The following EXOSC10 variants were observed in gnomAD, a reference collection of about 807,000 sequenced individuals.
EXOSC10 encodes the protein exosome complex component 10.
Under a neutral mutation model 126.6 loss-of-function variants are expected in EXOSC10, and 94 were observed. The observed-to-expected ratio is 0.74, with a 90% CI of 0.63 to 0.88. The LOEUF is 0.88. Among genes scored for constraint, EXOSC10 ranks in the 40% least tolerant of loss-of-function variants. The pLI is 0.00. For synonymous variants in EXOSC10, 395 were observed against 400.8 expected, an observed-to-expected ratio of 0.99 and a Z score of 0.17; for missense variants, 1,041 against 1,100.5, an observed-to-expected ratio of 0.95 and a Z score of 0.77.
At position 11,076,831 on chromosome 1, in the gene EXOSC10, G is replaced by C. The variant is rs1345528924; in HGVS notation, c.1986+11C>G. 6.3e-7 allele frequency: 1 copy of C among 1,596,786 alleles called. No homozygotes were observed. The highest frequency in any genetic ancestry group is 2.2e-5 in the East Asian group (1 of 44,802). On this transcript the variant is annotated intron_variant, in intron 17 of 24. Coordinates refer to ENST00000376936, the MANE Select transcript of EXOSC10 (RefSeq NM_001001998.3). The stretch of plus-strand genomic sequence containing the variant: ...TCCTCATCACCTCAGTGAAGTTTCT[G>C]TGCTACTCACATTAAATAACGTGAT...
chr1:11,078,115 T>G (rs1351156566), intron 14 of EXOSC10, among the ~76,000 whole-genome samples: 1 of 151,858 alleles, frequency 6.6e-6, no homozygotes, highest in Non-Finnish European at 1.5e-5. Context: ...CTACAAAAAA[T>G]TAAAAAAAAC....
At chr1:11,070,816 G>T in intron 21 of EXOSC10, 84 bp downstream of exon 21, 2 of 1,237,532 alleles carry the variant, frequency 1.6e-6, no homozygotes, top group Non-Finnish European at 2.3e-6. Context: ...CACAGGGCAA[G>T]CCCCCTAAGA....
chr1:11,068,713 G>T lies in EXOSC10; in HGVS notation c.2489-7C>A, dbSNP rs192329748. 1.2e-6 allele frequency: 2 copies of T among 1,613,114 alleles called. No homozygotes were observed. Among genetic ancestry groups the T allele is most frequent in the Admixed American group, 1.7e-5 (1 of 60,000 alleles). On this transcript the variant is annotated splice_polypyrimidine_tract_variant and splice_region_variant and intron_variant, in intron 22 of 24. Coordinates refer to ENST00000376936, the MANE Select transcript of EXOSC10 (RefSeq NM_001001998.3). ...ACTTTGGATTTGCTGTTTCCTGAAAGGTAAGAGATGAGAGAGACCTGCGGT... is the reference window on the plus strand; with the variant it reads ...ACTTTGGATTTGCTGTTTCCTGAAATGTAAGAGATGAGAGAGACCTGCGGT...
chr1:11,084,336 GAT>G (rs1640366269), intron 9 of EXOSC10, among the ~76,000 whole-genome samples: 2 of 152,208 alleles, frequency 1.3e-5, no homozygotes, highest in African/African-American at 4.8e-5. Context: ...GGTGTGAGAT[GAT>G]ATCTCACTGT....
chr1:11,072,654 A>G (rs1395843001), intron 19 of EXOSC10: 1 of 152,966 alleles, frequency 6.5e-6, no homozygotes, highest in African/African-American at 2.4e-5. Flanking sequence ...TCAGTGTGAC[A>G]TAACCCGTGG....
intron 24 of EXOSC10, 142 bp downstream of exon 24, chr1:11,067,866 C>G (rs941870386): frequency 1.4e-5 from 9 of 659,198 alleles, no homozygotes; most frequent in Non-Finnish European, 2.1e-5. Flanking sequence ...GCGTGAGGGA[C>G]CTGGCTGTGG....
At position 11,069,244 on chromosome 1, in the gene EXOSC10, T is replaced by TGTGTGTGTGTGTGAGAGAGAGAGA; in HGVS notation, c.2488+314_2488+315insTCTCTCTCTCTCACACACACACAC. ...ACAAAATTCTGTGTGTGTGTGTGTGTGAGAGAGAGAGAGAGGGTTTATGGG... is the reference window on the plus strand; with the variant it reads ...ACAAAATTCTGTGTGTGTGTGTGTGTGTGTGTGTGTGTGAGAGAGAGAGAGAGAGAGAGAGAGAGGGTTTATGGG... On this transcript the variant is annotated intron_variant, in intron 22 of 24. Transcript: ENST00000376936. Among the ~76,000 whole-genome samples, 51 of 116,892 alleles carry TGTGTGTGTGTGTGAGAGAGAGAGA rather than the reference T, an allele frequency of 4.4e-4. 1 individual carries two copies. The highest frequency in any genetic ancestry group is 2.5e-3 in the South Asian group (8 of 3,230). 76.7% of individuals were successfully genotyped at this position (116,892 alleles called of 152,430 possible).
chr1:11,080,399 A>T, intron 13 of EXOSC10, 100 bp downstream of exon 13: 1 of 1,416,452 alleles, frequency 7.1e-7, no homozygotes, highest in Non-Finnish European at 9.9e-7. Flanking sequence ...TTAATCTCTG[A>T]GTAAGCAGCC....
chr1:11,080,470 AG>A, intron 13 of EXOSC10, 28 bp downstream of exon 13: 1 of 1,613,242 alleles, frequency 6.2e-7, no homozygotes, highest in African/African-American at 1.3e-5. Context: ...TGAGAAAGTC[AG>A]AACATATTAA....
At chr1:11,072,006 T>C in intron 20 of EXOSC10, 81 bp downstream of exon 20, 1 of 1,154,252 alleles carries the variant, frequency 8.7e-7, no homozygotes. Context: ...TTCATCGCCG[T>C]ATCTGGCACT....
In EXOSC10 at chr1:11,099,790, C is replaced by A. The variant is rs1371728128; in HGVS notation, c.42G>T (p.Ala14=). ...CTCCGTCGGATTTGGTTGCGCTGGTCGCCGACAGGACCCTGGGCTCCCGGG... is the reference window on the plus strand; with the variant it reads ...CTCCGTCGGATTTGGTTGCGCTGGTAGCCGACAGGACCCTGGGCTCCCGGG... The part of the protein sequence containing the change: ...PSTREPRVLS[A]TSATKSDGEM... The change falls in exon 1 of 25, where the codon GCG becomes GCT. Residue 14 remains alanine (A), a synonymous_variant. Transcript: ENST00000376936. 2 of 1,611,874 alleles carry A rather than the reference C, an allele frequency of 1.2e-6. No individual in the cohort carries two copies. The highest frequency in any genetic ancestry group is 2.2e-5 in the South Asian group (2 of 90,950).
intron 18 of EXOSC10, 55 bp from the exon 19 acceptor site, chr1:11,074,063 C>T (rs927000373): frequency 2.8e-5 from 44 of 1,562,668 alleles, no homozygotes; most frequent in Middle Eastern, 1.7e-4. Context: ...TCTAGAGCCA[C>T]GGGGCAGAAG....
chr1:11,090,783 G>A, intron 5 of EXOSC10, 115 bp from the exon 6 acceptor site: 2 of 848,378 alleles, frequency 2.4e-6, no homozygotes, highest in Non-Finnish European at 3.7e-6. Flanking sequence ...ACAGGGTCAT[G>A]TTCTGTCCCC....
intron 22 of EXOSC10, 69 bp downstream of exon 22, chr1:11,069,490 G>T (rs1639327058): frequency 8.5e-6 from 13 of 1,528,710 alleles, no homozygotes; most frequent in South Asian, 1.3e-5. Flanking sequence ...CTATATTGTG[G>T]TCTCTTTATG....
rs1641053287 is a variant in EXOSC10, at chr1:11,095,841, T to C, written c.289A>G (p.Ile97Val). ...VMQYHGCRSN[I>V]KDRSKVTELE... ...TCAGTCACTTTACTTCGATCCTTAA[T>C]GTTGCTGCGACACCCATGGTACTGC... Residue 97 changes from isoleucine (I) to valine (V), a missense_variant, in exon 3 of 25, where the codon ATT becomes GTT. This residue lies in a region of EXOSC10 where 645 missense variants were observed against 656.3 expected (regional missense o/e 0.98). Coordinates refer to ENST00000376936, the MANE Select transcript of EXOSC10 (RefSeq NM_001001998.3). 5 of 1,614,026 alleles carry C rather than the reference T, an allele frequency of 3.1e-6. No homozygotes were observed. The highest frequency in any genetic ancestry group is 2.7e-5 in the African/African-American group (2 of 74,956).
chr1:11,077,622 G>A lies in EXOSC10; in HGVS notation c.1779C>T (p.Ser593=), dbSNP rs762449922. The stretch of plus-strand genomic sequence containing the variant: ...CTACCTCAGCACTGGGCAGCGGTCC[G>A]CTCTTCTTCACTCCGGCTGCAACTT... ...KSEVAAGVKK[S]GPLPSAERLE... Residue 593 remains serine, a synonymous_variant, in exon 15 of 25, where the codon AGC becomes AGT. Coordinates refer to ENST00000376936, the MANE Select transcript of EXOSC10 (RefSeq NM_001001998.3). 5.0e-6 allele frequency: 8 copies of A among 1,612,086 alleles called. No individual in the cohort carries two copies. The highest frequency in any genetic ancestry group is 1.1e-5 in the South Asian group (1 of 91,034).
intron 2 of EXOSC10, among the ~76,000 whole-genome samples, chr1:11,096,230 T>G (rs1260671133): frequency 6.6e-6 from 1 of 151,364 alleles, no homozygotes; most frequent in African/African-American, 2.4e-5. Flanking sequence ...GTGATCTGCC[T>G]GCCTCCGACT....
intron 17 of EXOSC10, among the ~76,000 whole-genome samples, chr1:11,074,808 CA>C (rs1639722686): frequency 6.6e-6 from 1 of 152,182 alleles, no homozygotes; most frequent in Non-Finnish European, 1.5e-5. Flanking sequence ...CACACAGTAG[CA>C]TTTCAATATC....
Position 11,069,697 on chromosome 1 carries a change from T to G in EXOSC10, c.2350A>C (p.Thr784Pro), listed in dbSNP as rs779315339. The change falls in exon 22 of 25, where the codon ACA (threonine) becomes CCA (proline). Residue 784 changes from threonine to proline, a missense_variant. Thr to Pro is a conservative substitution (Grantham distance 38). Transcript: ENST00000376936. ...ENAAKKRERA[T>P]SDPRTTEQKQ... is the part of the protein sequence containing the mutation. ...TGTTCTGTGGTCCTTGGGTCGCTTG[T>G]TGCTCGCTCTCTCTTCTTTGCAGCA... is the stretch of plus-strand genomic sequence containing the variant. 1 of 1,613,868 alleles carries G rather than the reference T, an allele frequency of 6.2e-7. No individual in the cohort carries two copies. Among genetic ancestry groups the G allele is most frequent in the African/African-American group, 1.3e-5 (1 of 74,866 alleles).
Sources: allele counts gnomAD v4.1 joint callset (sites outside exome capture counted in the v4.1 genomes callset), GRCh38; gene constraint gnomAD v4.1.1; regional missense constraint gnomAD v4.1.1; transcripts MANE v1.5; gene names NCBI Gene and HGNC (gene_info 2026-07-23, HGNC 2026-07-21).